The following ALK variants were observed in gnomAD, a reference collection of about 807,000 sequenced individuals.
ALK encodes the protein ALK receptor tyrosine kinase, also known as ALK tyrosine kinase receptor.
ALK carries 74 observed loss-of-function variants against 163.1 expected under a neutral mutation model. That is an observed-to-expected ratio of 0.45 (90% CI 0.38 to 0.55). ALK has a LOEUF of 0.55. ALK is among the 20% of genes least tolerant of loss of function. The pLI is 0.00. For missense variants in ALK, 2,063 were observed against 2,105.3 expected, an observed-to-expected ratio of 0.98 and a Z score of 0.39; for synonymous variants, 960 against 843.2, an observed-to-expected ratio of 1.14 and a Z score of -2.40.
rs183524160 is a variant in ALK, at chr2:29,795,276, T to C, written c.668-77579A>G. Among the ~76,000 whole-genome samples, 30 of 152,296 alleles carry C rather than the reference T, an allele frequency of 2.0e-4. No homozygotes were observed. The East Asian group carries it at 5.4e-3, about 27-fold the overall frequency. The stretch of plus-strand genomic sequence containing the variant: ...AATTGTAATTTAAGGTGGCAGTTTT[T>C]CTTTGCCCATCTAATTAAAAAATAT... On this transcript the variant is annotated intron_variant, in intron 1 of 28. Transcript: ENST00000389048.
chr2:29,217,586 A>ATGTT (rs1282090585), intron 23 of ALK, among the ~76,000 whole-genome samples: 2 of 152,080 alleles, frequency 1.3e-5, no homozygotes, highest in African/African-American at 4.8e-5. Context: ...CTGTCATTTC[A>ATGTT]TGTTTGCACA....
chr2:29,446,668 T>C (rs1263169560), intron 4 of ALK, among the ~76,000 whole-genome samples: 1 of 152,192 alleles, frequency 6.6e-6, no homozygotes, highest in Non-Finnish European at 1.5e-5. Flanking sequence ...TAATTTGTTT[T>C]ATTTTATTTG....
chr2:29,832,347 G>A (rs1341303032), intron 1 of ALK, among the ~76,000 whole-genome samples: 1 of 152,176 alleles, frequency 6.6e-6, no homozygotes, highest in African/African-American at 2.4e-5. Context: ...AGAAGCAGAG[G>A]CAGAGCCTGA....
chr2:29,602,363 G>A (rs959570507), intron 3 of ALK, among the ~76,000 whole-genome samples: 13 of 152,104 alleles, frequency 8.5e-5, no homozygotes, highest in African/African-American at 3.1e-4. Flanking sequence ...AAACCATCAA[G>A]TCCAGTGAGC....
chr2:29,850,154 T>C (rs1232966111), intron 1 of ALK, among the ~76,000 whole-genome samples: 1 of 152,152 alleles, frequency 6.6e-6, no homozygotes, highest in Non-Finnish European at 1.5e-5. Flanking sequence ...GCAATGAGGA[T>C]GAATCAATCT....
At chr2:29,294,934 T>C (rs1666133755) in intron 9 of ALK, among the ~76,000 whole-genome samples, 1 of 152,218 alleles carries the variant, frequency 6.6e-6, no homozygotes, top group Non-Finnish European at 1.5e-5. Context: ...TGAAAACTGC[T>C]GCACTTCATT....
intron 2 of ALK, among the ~76,000 whole-genome samples, chr2:29,711,648 T>C (rs1679106214): frequency 6.6e-6 from 1 of 151,976 alleles, no homozygotes; most frequent in Non-Finnish European, 1.5e-5. Context: ...GGAGGGCCTC[T>C]GAAGGGGGAA....
chr2:29,885,869 T>C (rs1666972925), intron 1 of ALK, among the ~76,000 whole-genome samples: 1 of 152,202 alleles, frequency 6.6e-6, no homozygotes, highest in Admixed American at 6.5e-5. Flanking sequence ...ATTGATATTG[T>C]ATAGAAACAT....
At chr2:29,457,630 C>G (rs1224618097) in intron 4 of ALK, among the ~76,000 whole-genome samples, 1 of 152,112 alleles carries the variant, frequency 6.6e-6, no homozygotes, top group Non-Finnish European at 1.5e-5. Flanking sequence ...TCAAACAACA[C>G]TATGAATCAG....
chr2:29,206,571 C>G (rs2045015), intron 26 of ALK, among the ~76,000 whole-genome samples: 3,553 of 152,184 alleles, frequency 0.023, 141 homozygotes, highest in African/African-American at 0.081. Flanking sequence ...CGTGCCTGGC[C>G]TACACCCCTA....
At chr2:29,756,198 C>A (rs1376202042) in intron 1 of ALK, among the ~76,000 whole-genome samples, 3 of 152,362 alleles carry the variant, frequency 2.0e-5, no homozygotes, top group African/African-American at 7.2e-5. Context: ...CCCCTTTTCA[C>A]TTGGCTAAAT....
At chr2:29,633,542 T>C (rs554581625) in intron 3 of ALK, among the ~76,000 whole-genome samples, 1 of 151,454 alleles carries the variant, frequency 6.6e-6, no homozygotes, top group Non-Finnish European at 1.5e-5. Context: ...AATAAACTAA[T>C]AGCAAGCAGA....
At chr2:29,253,509 C>T (rs1261031228) in intron 11 of ALK, among the ~76,000 whole-genome samples, 3 of 152,120 alleles carry the variant, frequency 2.0e-5, no homozygotes, top group Admixed American at 6.5e-5. Flanking sequence ...TTGACTCCTG[C>T]CTGTACCCAA....
At chr2:29,299,719 A>G (rs1479687777) in intron 8 of ALK, among the ~76,000 whole-genome samples, 2 of 152,364 alleles carry the variant, frequency 1.3e-5, no homozygotes, top group African/African-American at 2.4e-5. Context: ...ATAAAAATGA[A>G]TGACATAATT....
chr2:29,317,621 G>A (rs1666867385), intron 8 of ALK, among the ~76,000 whole-genome samples: 1 of 152,210 alleles, frequency 6.6e-6, no homozygotes, highest in African/African-American at 2.4e-5. Context: ...TCCCAGTGAG[G>A]AAACTGAAGC....
chr2:29,461,519 C>T (rs1200181551), intron 4 of ALK, among the ~76,000 whole-genome samples: 1 of 152,116 alleles, frequency 6.6e-6, no homozygotes, highest in Non-Finnish European at 1.5e-5. Flanking sequence ...TTGTGGGGCC[C>T]TTAAGAATTA....
At chr2:29,677,242 TCC>T (rs1677904458) in intron 3 of ALK, among the ~76,000 whole-genome samples, 1 of 32,106 alleles carries the variant, frequency 3.1e-5, no homozygotes, top group Non-Finnish European at 5.6e-5. Flanking sequence ...CCTTCTCCCC[TCC>T]CCTCCCCTCC....
chr2:29,706,671 G>A (rs1029154936), intron 2 of ALK, among the ~76,000 whole-genome samples: 1 of 152,136 alleles, frequency 6.6e-6, no homozygotes, highest in Non-Finnish European at 1.5e-5. Context: ...ACACTGCAGT[G>A]GGAGATACAC....
At chr2:29,439,717 CG>C (rs1670489505) in intron 4 of ALK, among the ~76,000 whole-genome samples, 1 of 147,958 alleles carries the variant, frequency 6.8e-6, no homozygotes, top group African/African-American at 2.5e-5. Flanking sequence ...ATGGGAGATA[CG>C]TGCAGAGAGA....
Sources: allele counts gnomAD v4.1 joint callset (sites outside exome capture counted in the v4.1 genomes callset), GRCh38; gene constraint gnomAD v4.1.1; transcripts MANE v1.5; gene names NCBI Gene and HGNC (gene_info 2026-07-23, HGNC 2026-07-21).